ST7L: variants seen among roughly 807,000 people sequenced by gnomAD.
ST7L encodes the protein suppression of tumorigenicity 7 like, also known as suppressor of tumorigenicity 7 protein-like.
Under a neutral mutation model 72.5 loss-of-function variants are expected in ST7L, and 57 were observed. That is an observed-to-expected ratio of 0.79 (90% CI 0.64 to 0.98). ST7L has a LOEUF of 0.98. Among genes scored for constraint, ST7L ranks in the 50% least tolerant of loss-of-function variants. The probability of loss-of-function intolerance (pLI) is 0.00; values close to 1 mark genes in which losing one functional copy is unlikely to be tolerated. For missense variants in ST7L, 576 were observed against 672.2 expected, an observed-to-expected ratio of 0.86 and a Z score of 1.58; for synonymous variants, 221 against 240.9, an observed-to-expected ratio of 0.92 and a Z score of 0.77.
chr1:112,544,380 T>C (rs1656723207), intron 13 of ST7L, among the ~76,000 whole-genome samples: 1 of 152,176 alleles, frequency 6.6e-6, no homozygotes, highest in African/African-American at 2.4e-5. Context: ...CACAAACCCA[T>C]TAAAAATCCA....
Position 112,526,070 on chromosome 1 carries a change from G to C in ST7L, c.1671C>G (p.Gly557=). Residue 557 remains glycine, a synonymous_variant, in exon 15 of 15, where the codon GGC becomes GGG. Transcript: ENST00000358039. ...TCAAATCCTGTGTATTCTCCTCAAA[G>C]CCTGAGGATGCCCAGGGTTGGGGGC... ...LWCPQPWASS[G]FEENTQDLKS... 2 of 1,614,144 alleles carry C rather than the reference G, an allele frequency of 1.2e-6. No individual in the cohort carries two copies. Among genetic ancestry groups the C allele is most frequent in the Non-Finnish European group, 1.7e-6 (2 of 1,180,034 alleles).
chr1:112,591,888 C>G (rs1249348768), intron 5 of ST7L, among the ~76,000 whole-genome samples: 1 of 151,910 alleles, frequency 6.6e-6, no homozygotes, highest in African/African-American at 2.4e-5. Context: ...ATTTATATAT[C>G]TAAATGCTTG....
At chr1:112,573,432 T>G (rs1351437047) in intron 11 of ST7L, among the ~76,000 whole-genome samples, 1 of 151,868 alleles carries the variant, frequency 6.6e-6, no homozygotes, top group Non-Finnish European at 1.5e-5. Context: ...AAAAGGATTT[T>G]ATGAATACCT....
chr1:112,594,384 C>T (rs1358937593), intron 5 of ST7L, among the ~76,000 whole-genome samples: 1 of 152,136 alleles, frequency 6.6e-6, no homozygotes, highest in Non-Finnish European at 1.5e-5. Context: ...ATTTATTAAA[C>T]AGTGAAGCTT....
chr1:112,523,581 ACT>A lies in ST7L; in HGVS notation c.*2430_*2431del, dbSNP rs1044861571. On this transcript the variant is annotated 3_prime_UTR_variant, in exon 15 of 15. Transcript: ENST00000358039. ...AGTCAGGGCTCCATTTAGTTCCCTC[ACT>A]CTGCTTCTAATCACCCCTTCTCCCA... 1.4e-4 allele frequency: 21 copies of A among 152,182 alleles called. No homozygotes were observed. Among genetic ancestry groups the A allele is most frequent in the African/African-American group, 4.1e-4 (17 of 41,452 alleles). 9.4% of individuals were successfully genotyped at this position (152,182 alleles called of 1,614,324 possible). A position where few individuals can be genotyped will look rare whatever the true frequency, so the allele number is the denominator to read the frequency against.
intron 14 of ST7L, chr1:112,527,948 G>T (rs1271690714): frequency 6.6e-6 from 1 of 152,176 alleles, no homozygotes; most frequent in Non-Finnish European, 1.5e-5. Context: ...CAAAATATTT[G>T]TGTGTAATAA....
chr1:112,526,150 T>C (rs1570819581), intron 14 of ST7L, 39 bp from the exon 15 acceptor site: 4 of 1,613,450 alleles, frequency 2.5e-6, no homozygotes, highest in African/African-American at 1.3e-5. Flanking sequence ...TCAAGCCCTG[T>C]AGGAGTCCCA....
At chr1:112,547,588 GGA>G (rs1657347432) in intron 13 of ST7L, among the ~76,000 whole-genome samples, 1 of 7,064 alleles carries the variant, frequency 1.4e-4, no homozygotes, top group Non-Finnish European at 4.2e-4. Flanking sequence ...TTTTTTTTTT[GGA>G]GACAGAGTCT....
chr1:112,615,010 TG>T (rs1290702792), intron 2 of ST7L, among the ~76,000 whole-genome samples: 1 of 152,194 alleles, frequency 6.6e-6, no homozygotes, highest in Non-Finnish European at 1.5e-5. Flanking sequence ...TTGTTGTTTT[TG>T]TTTTTTGAAA....
intron 12 of ST7L, among the ~76,000 whole-genome samples, chr1:112,555,046 A>C (rs1658863799): frequency 6.6e-6 from 1 of 152,214 alleles, no homozygotes; most frequent in Non-Finnish European, 1.5e-5. Context: ...AAAGTTCTGT[A>C]GATGGATGAT....
At chr1:112,564,263 T>G (rs1660607390) in intron 11 of ST7L, among the ~76,000 whole-genome samples, 1 of 152,132 alleles carries the variant, frequency 6.6e-6, no homozygotes. Context: ...ACAAGAAAAC[T>G]CCTTTCCACA....
At chr1:112,551,074 A>G (rs1245507389) in intron 12 of ST7L, among the ~76,000 whole-genome samples, 2 of 151,796 alleles carry the variant, frequency 1.3e-5, no homozygotes, top group African/African-American at 2.4e-5. Flanking sequence ...TTGGCAACCT[A>G]AAATAGTTTT....
chr1:112,591,629 G>T, intron 5 of ST7L, 26 bp from the exon 6 acceptor site: 1 of 1,572,468 alleles, frequency 6.4e-7, no homozygotes, highest in Non-Finnish European at 8.7e-7. Flanking sequence ...CCATAAAATA[G>T]ATGAGATGGT....
chr1:112,613,921 G>A (rs1669460938), intron 2 of ST7L, among the ~76,000 whole-genome samples: 1 of 152,054 alleles, frequency 6.6e-6, no homozygotes, highest in Non-Finnish European at 1.5e-5. Flanking sequence ...ACAGAGACCA[G>A]ATCTTGTTCA....
At chr1:112,601,988 A>G (rs116037914) in intron 3 of ST7L, among the ~76,000 whole-genome samples, 3,065 of 151,830 alleles carry the variant, frequency 0.02, 106 homozygotes, top group African/African-American at 0.07. Context: ...TGAGAGTGAG[A>G]CAGAAGAATT....
intron 12 of ST7L, among the ~76,000 whole-genome samples, chr1:112,551,945 G>C (rs1295121707): frequency 6.6e-6 from 1 of 152,162 alleles, no homozygotes; most frequent in African/African-American, 2.4e-5. Flanking sequence ...TGAAATAAAT[G>C]TGAGCTATAC....
At chr1:112,540,174 T>G (rs2101363850) in intron 14 of ST7L, 1 of 985,450 alleles carries the variant, frequency 1.0e-6, no homozygotes, top group African/African-American at 1.7e-5. Context: ...GGTATAGATC[T>G]ATTCCAGATT....
Position 112,525,525 on chromosome 1 carries a change from C to CG in ST7L, c.*487_*488insC. The CG allele has an allele frequency of 6.6e-6, 1 of 151,148 alleles. No homozygotes were observed. The highest frequency in any genetic ancestry group is 1.5e-5 in the Non-Finnish European group (1 of 67,784). 9.4% of individuals were successfully genotyped at this position (151,148 alleles called of 1,614,324 possible). A position where few individuals can be genotyped will look rare whatever the true frequency, so the allele number is the denominator to read the frequency against. On this transcript the variant is annotated 3_prime_UTR_variant, in exon 15 of 15. Coordinates refer to ENST00000358039, the MANE Select transcript of ST7L (RefSeq NM_017744.5). Reference sequence around the variant, plus strand: ...ATATTATCTCTGAGCATCTCGGTGGCTATTCCTCATTTACTTAAGATGTTT... The same window carrying CG: ...ATATTATCTCTGAGCATCTCGGTGGCGTATTCCTCATTTACTTAAGATGTTT...
Position 112,524,278 on chromosome 1 carries a change from G to C in ST7L, c.*1735C>G, listed in dbSNP as rs1290259866. On this transcript the variant is annotated 3_prime_UTR_variant, in exon 15 of 15. Transcript: ENST00000358039. ...TTTTTTTTTCCTCAGTCTTTCTGAG[G>C]TTTTTATTTAAATGCACTCAGTGGT... 6.6e-6 allele frequency: 1 copy of C among 152,556 alleles called. No homozygotes were observed. The highest frequency in any genetic ancestry group is 1.9e-4 in the East Asian group (1 of 5,194). The allele number at this position is 152,556 out of a possible 1,614,324, so 9.5% of individuals were successfully genotyped here. A position where few individuals can be genotyped will look rare whatever the true frequency, so the allele number is the denominator to read the frequency against.
Sources: allele counts gnomAD v4.1 joint callset (sites outside exome capture counted in the v4.1 genomes callset), GRCh38; gene constraint gnomAD v4.1.1; transcripts MANE v1.5; gene names NCBI Gene and HGNC (gene_info 2026-07-23, HGNC 2026-07-21).